Variants in NIT1 observed in about 807,000 individuals in gnomAD.
The protein encoded by NIT1 is deaminated glutathione amidase.
A neutral mutation model predicts 36.8 loss-of-function variants in NIT1; 30 were observed. That is an observed-to-expected ratio of 0.82 (90% CI 0.61 to 1.11). NIT1 has a LOEUF of 1.11. Ranked by LOEUF, NIT1 falls within the 50% of genes least tolerant of loss-of-function variation. The pLI is 0.00. For synonymous variants in NIT1, 151 were observed against 155.6 expected (o/e 0.97, Z 0.22); for missense variants, 438 against 410.6 (o/e 1.07, Z -0.58).
At chr1:161,122,804 G>GTTCAT (rs1258759404), downstream of NIT1, among the ~76,000 whole-genome samples, 1 of 152,180 alleles carries the variant, frequency 6.6e-6, no homozygotes, top group Non-Finnish European at 1.5e-5. This position sits in a 1 kb window ranked among gnomAD's most constrained non-coding sequence, Gnocchi z 4.2. Flanking sequence ...AGGCATAGAA[G>GTTCAT]TTCATTTTAA....
chr1:161,124,549 G>A (rs1487364114), downstream of NIT1: 50 of 1,520,390 alleles, frequency 3.3e-5, no homozygotes, highest in Non-Finnish European at 4.0e-5. Context: ...GGAAAGAACC[G>A]ATGAGACACT....
At chr1:161,119,648 A>G in intron 4 of NIT1, 36 bp downstream of exon 4, 1 of 1,557,952 alleles carries the variant, frequency 6.4e-7, no homozygotes, top group South Asian at 1.1e-5. Context: ...GCCTCTTCCC[A>G]TGCTCTTCTA....
intron 6 of NIT1, 93 bp downstream of exon 6, chr1:161,120,325 TA>T: frequency 6.6e-7 from 1 of 1,510,792 alleles, no homozygotes; most frequent in African/African-American, 1.4e-5. Flanking sequence ...CCTTTCCACC[TA>T]ATGGGAAAAC....
Position 161,120,958 on chromosome 1 carries a change from C to A in NIT1, c.*193C>A. On this transcript the variant is annotated 3_prime_UTR_variant, in exon 7 of 7. Coordinates refer to ENST00000368009, the MANE Select transcript of NIT1 (RefSeq NM_005600.3). Reference sequence around the variant, plus strand: ...CTGAGCTTCACCTGAGGTCAGACTGCAGTTTCAGAAAGGTGGAATTTTATA... The same window carrying A: ...CTGAGCTTCACCTGAGGTCAGACTGAAGTTTCAGAAAGGTGGAATTTTATA... 2.1e-6 allele frequency: 3 copies of A among 1,418,702 alleles called. No individual in the cohort carries two copies. Among genetic ancestry groups the A allele is most frequent in the Non-Finnish European group, 2.8e-6 (3 of 1,090,356 alleles). The allele number at this position is 1,418,702 out of a possible 1,614,324, so 87.9% of individuals were successfully genotyped here.
chr1:161,119,152 C>G lies in NIT1; in HGVS notation c.117C>G (p.Ile39Met), dbSNP rs1655140630. 1 of 1,613,848 alleles carries G rather than the reference C, an allele frequency of 6.2e-7. No homozygotes were observed. Among genetic ancestry groups the G allele is most frequent in the Non-Finnish European group, 8.5e-7 (1 of 1,179,988 alleles). ...CAQPRPRAMAISSSSCELPLV... is the reference protein window; with the variant it reads ...CAQPRPRAMAMSSSSCELPLV... ...TTCACAGGCCCAGAGCCATGGCTAT[C>G]TCCTCTTCCTCCTGCGAACTGCCCC... The change falls in exon 3 of 7, where the codon ATC becomes ATG. Residue 39 changes from isoleucine to methionine, a missense_variant. Transcript: ENST00000368009.
chr1:161,118,668 T>C, intron 1 of NIT1, 118 bp from the exon 2 acceptor site: 2 of 1,497,068 alleles, frequency 1.3e-6, no homozygotes, highest in South Asian at 2.3e-5. Context: ...TTTTGAAGAC[T>C]AGGTTTTTAC....
At chr1:161,118,926 C>T in intron 2 of NIT1, 45 bp downstream of exon 2, 1 of 1,473,486 alleles carries the variant, frequency 6.8e-7, no homozygotes, top group African/African-American at 1.4e-5. Context: ...CTTAGATGCT[C>T]AGTTTGTTAA....
At chr1:161,124,312 C>T (rs774726648), downstream of NIT1, 1 of 1,614,232 alleles carries the variant, frequency 6.2e-7, no homozygotes. Context: ...TCAATGACAT[C>T]AACAAAGAGG....
downstream of NIT1, chr1:161,123,363 G>A (rs1655747026): frequency 9.6e-6 from 8 of 835,616 alleles, no homozygotes; most frequent in African/African-American, 1.7e-5. Context: ...TGTGAGACCA[G>A]GTGCAGTGGC....
chr1:161,118,939 G>A lies in NIT1; in HGVS notation c.98+58G>A, dbSNP rs1025451354. On this transcript the variant is annotated intron_variant, in intron 2 of 6. Transcript: ENST00000368009. ...CACTTAGATGCTCAGTTTGTTAAAT[G>A]GATAGTGGGAGACACAGGAGTGTCA... 7.0e-6 allele frequency: 10 copies of A among 1,420,520 alleles called. No individual in the cohort carries two copies. The African/African-American group carries it at 9.9e-5, about 14-fold the overall frequency. The allele number at this position is 1,420,520 out of a possible 1,614,324, so 88.0% of individuals were successfully genotyped here.
rs1655406281 is a variant in NIT1, at chr1:161,120,779, T to A, written c.*14T>A. ...CCACTGTCTTAAGACTTGACTTCTG[T>A]GAGTTTAGACCTGCCCCTCCCACCC... On this transcript the variant is annotated 3_prime_UTR_variant, in exon 7 of 7. Coordinates refer to ENST00000368009, the MANE Select transcript of NIT1 (RefSeq NM_005600.3). 1 of 1,609,800 alleles carries A rather than the reference T, an allele frequency of 6.2e-7. No homozygotes were observed. The highest frequency in any genetic ancestry group is 8.5e-7 in the Non-Finnish European group (1 of 1,178,692).
intron 1 of NIT1, 128 bp downstream of exon 1, chr1:161,118,306 G>A (rs1038443712): frequency 6.4e-5 from 100 of 1,565,374 alleles, no homozygotes; most frequent in Middle Eastern, 1.7e-4. Flanking sequence ...CGGCGGGAGG[G>A]TGGAGGGCGG....
chr1:161,125,155 T>C (rs1271325273), downstream of NIT1: 1 of 152,242 alleles, frequency 6.6e-6, no homozygotes, highest in Middle Eastern at 3.2e-3. Context: ...TGTGTGACCG[T>C]AAGCAAGTCA....
chr1:161,120,792 G>GCCCCCCC lies in NIT1; in HGVS notation c.*31_*32insCCCCCCC. ...ACTTGACTTCTGTGAGTTTAGACCT[G>GCCCCCCC]CCCCTCCCACCCCCACCCTGCCACT... On this transcript the variant is annotated 3_prime_UTR_variant, in exon 7 of 7. Coordinates refer to ENST00000368009, the MANE Select transcript of NIT1 (RefSeq NM_005600.3). The GCCCCCCC allele has an allele frequency of 6.3e-7, 1 of 1,598,764 alleles. No homozygotes were observed. The highest frequency in any genetic ancestry group is 8.5e-7 in the Non-Finnish European group (1 of 1,172,716).
At chr1:161,121,980 G>C, downstream of NIT1, 1 of 844,568 alleles carries the variant, frequency 1.2e-6, no homozygotes, top group Non-Finnish European at 1.8e-6. Context: ...TGGGTGCAGG[G>C]AGGGGTGGGG....
chr1:161,118,482 AAGGAT>A (rs1362012774), intron 1 of NIT1: 31 of 1,536,046 alleles, frequency 2.0e-5, no homozygotes, highest in Non-Finnish European at 2.6e-5. Flanking sequence ...TGGGAAAACC[AAGGAT>A]AGTTCCCGGA....
At chr1:161,118,424 G>A in intron 1 of NIT1, 2 of 1,535,448 alleles carry the variant, frequency 1.3e-6, no homozygotes, top group Non-Finnish European at 1.7e-6. Context: ...GGGGAAATAT[G>A]CTTCGAGTCA....
chr1:161,122,596 T>C, downstream of NIT1: 1 of 1,538,714 alleles, frequency 6.5e-7, no homozygotes, highest in Non-Finnish European at 8.8e-7. The surrounding 1 kb of genome is among the most constrained non-coding windows in gnomAD (Gnocchi z 4.2). Flanking sequence ...GCTTGAAAAC[T>C]GAAAAGCACA....
At chr1:161,124,494 A>G (rs745952902), downstream of NIT1, 19 of 1,575,004 alleles carry the variant, frequency 1.2e-5, no homozygotes, top group South Asian at 1.8e-4. Context: ...TGCTTTCCAG[A>G]ATCCCTGCTC....
Sources: gnomAD v4.1 joint callset for allele counts (sites outside exome capture counted in the v4.1 genomes callset) on GRCh38, gnomAD v4.1.1 for gene constraint, Gnocchi (gnomAD v3.1) non-coding constraint, MANE v1.5 for transcripts, NCBI Gene and HGNC (gene_info 2026-07-23, HGNC 2026-07-21) for gene names.